The following ABCD3 variants were observed in gnomAD, a reference collection of about 807,000 sequenced individuals.
The protein encoded by ABCD3 is ATP binding cassette subfamily D member 3.
A neutral mutation model predicts 105.5 loss-of-function variants in ABCD3; 41 were observed. The ratio of observed to expected loss-of-function variants is 0.39; its 90% CI spans 0.30 to 0.50. ABCD3 has a LOEUF of 0.50. Ranked by LOEUF, ABCD3 falls within the 20% of genes least tolerant of loss-of-function variation. The pLI, the probability that ABCD3 is intolerant of heterozygous loss-of-function variation, is 0.84. For synonymous variants in ABCD3, 258 were observed against 269.0 expected (o/e 0.96, Z 0.40); for missense variants, 622 against 806.3 (o/e 0.77, Z 2.77).
chr1:94,416,884 C>A (rs754075349), upstream of ABCD3, among the ~76,000 whole-genome samples: 4 of 152,188 alleles, frequency 2.6e-5, no homozygotes, highest in South Asian at 4.1e-4. Flanking sequence ...TCTAGACAGG[C>A]CTTGCTGGGT....
chr1:94,444,268 G>T (rs1660252009), intron 1 of ABCD3, among the ~76,000 whole-genome samples: 1 of 145,706 alleles, frequency 6.9e-6, no homozygotes, highest in Admixed American at 7.3e-5. Flanking sequence ...GGAGGCGGAG[G>T]TTGCATTGAG....
At chr1:94,393,780 T>C in the ABCD3 span, among the ~76,000 whole-genome samples, 40 of 152,354 alleles carry the variant, frequency 2.6e-4, no homozygotes, top group South Asian at 5.6e-3. Context: ...GTTGGCATTA[T>C]TTTAATCAAC....
intron 1 of ABCD3, among the ~76,000 whole-genome samples, chr1:94,427,694 C>A (rs569071120): frequency 6.6e-6 from 1 of 152,112 alleles, no homozygotes; most frequent in Non-Finnish European, 1.5e-5. Flanking sequence ...AGGCTAGTCT[C>A]GAATTTCTGG....
the ABCD3 span, among the ~76,000 whole-genome samples, chr1:94,391,292 C>T: frequency 4.6e-5 from 7 of 151,962 alleles, no homozygotes; most frequent in Non-Finnish European, 1.0e-4. Flanking sequence ...TGGTTTTGGC[C>T]ATTATTTTTA....
At chr1:94,478,400 A>G in intron 8 of ABCD3, 85 bp downstream of exon 8, 2 of 1,209,084 alleles carry the variant, frequency 1.7e-6, no homozygotes, top group South Asian at 2.6e-5. Flanking sequence ...GGCCTGTAAG[A>G]ATTTTTGTAG....
chr1:94,427,718 G>A (rs1387427420), intron 1 of ABCD3, among the ~76,000 whole-genome samples: 8 of 152,128 alleles, frequency 5.3e-5, no homozygotes, highest in Admixed American at 1.3e-4. Context: ...CCAAGCGATC[G>A]CCTGCCTTGT....
At chr1:94,418,765 G>A in intron 1 of ABCD3, 177 bp downstream of exon 1, 1 of 662,196 alleles carries the variant, frequency 1.5e-6, no homozygotes, top group Non-Finnish European at 2.6e-6. Flanking sequence ...CGCCACGACG[G>A]CGTCGGTCCC....
At chr1:94,464,699 A>G (rs1648048808) in intron 2 of ABCD3, 76 bp from the exon 3 acceptor site, 1 of 1,274,480 alleles carries the variant, frequency 7.8e-7, no homozygotes, top group East Asian at 2.3e-5. Flanking sequence ...ATGTTGACTT[A>G]GATGAAACAT....
intron 1 of ABCD3, among the ~76,000 whole-genome samples, chr1:94,454,094 C>T (rs1647418834): frequency 1.3e-5 from 2 of 151,718 alleles, no homozygotes; most frequent in East Asian, 3.9e-4. Flanking sequence ...TATGTATATA[C>T]ATATACACGT....
intron 8 of ABCD3, 36 bp downstream of exon 8, chr1:94,478,351 T>C (rs1421668879): frequency 1.3e-6 from 2 of 1,482,300 alleles, no homozygotes; most frequent in East Asian, 4.6e-5. Context: ...TAAATTGATA[T>C]AATATAATAT....
intron 20 of ABCD3, among the ~76,000 whole-genome samples, chr1:94,504,822 T>A (rs1400248235): frequency 2.6e-5 from 4 of 152,152 alleles, no homozygotes; most frequent in African/African-American, 9.7e-5. Context: ...CTACTTGTAG[T>A]CTATCCAGAC....
At chr1:94,409,669 CT>C in the ABCD3 span, among the ~76,000 whole-genome samples, 1 of 152,140 alleles carries the variant, frequency 6.6e-6, no homozygotes, top group Non-Finnish European at 1.5e-5. Context: ...TATTTTAGAA[CT>C]TTCTGGCATC....
intron 4 of ABCD3, among the ~76,000 whole-genome samples, chr1:94,471,486 A>G (rs1570788532): frequency 6.7e-6 from 1 of 149,812 alleles, no homozygotes; most frequent in South Asian, 2.1e-4. Context: ...AAGCTTAGGG[A>G]TATCCTGTCT....
chr1:94,493,205 A>G (rs1649620846), intron 16 of ABCD3, among the ~76,000 whole-genome samples: 1 of 151,962 alleles, frequency 6.6e-6, no homozygotes, highest in South Asian at 2.1e-4. Context: ...CATCTGACAA[A>G]GGGCTAATAT....
intron 2 of ABCD3, among the ~76,000 whole-genome samples, chr1:94,464,365 T>G (rs1648031911): frequency 6.6e-6 from 1 of 152,086 alleles, no homozygotes; most frequent in South Asian, 2.1e-4. Context: ...AAGTGGCTAA[T>G]ACAAAACTCA....
the ABCD3 span, among the ~76,000 whole-genome samples, chr1:94,408,484 C>T: frequency 1.3e-5 from 2 of 149,684 alleles, no homozygotes; most frequent in African/African-American, 4.9e-5. Flanking sequence ...ATCCCAGCTA[C>T]TAGAGAGGCT....
intron 5 of ABCD3, 141 bp downstream of exon 5, chr1:94,473,976 T>C (rs974243201): frequency 4.6e-6 from 3 of 652,000 alleles, no homozygotes; most frequent in Admixed American, 2.9e-5. Flanking sequence ...ATTTATAATA[T>C]AATTTTCAAT....
At chr1:94,395,291 G>C in the ABCD3 span, among the ~76,000 whole-genome samples, 1 of 152,298 alleles carries the variant, frequency 6.6e-6, no homozygotes, top group South Asian at 2.1e-4. Flanking sequence ...AATTAATGAA[G>C]GTGCTGTTCA....
At chr1:94,416,048 CT>C (rs1658994534), upstream of ABCD3, among the ~76,000 whole-genome samples, 1 of 152,150 alleles carries the variant, frequency 6.6e-6, no homozygotes, top group African/African-American at 2.4e-5. Flanking sequence ...ACAAGGGTAA[CT>C]TTTAGAATGT....
Sources: gnomAD v4.1 joint callset for allele counts (sites outside exome capture counted in the v4.1 genomes callset) on GRCh38, gnomAD v4.1.1 for gene constraint, MANE v1.5 for transcripts, NCBI Gene and HGNC (gene_info 2026-07-23, HGNC 2026-07-21) for gene names.